Variants in EXOC6B observed in about 807,000 individuals in gnomAD.
The protein encoded by EXOC6B is SEC15 homolog B.
In EXOC6B, 54 loss-of-function variants were observed where a neutral mutation model predicts 113.5. That is an observed-to-expected ratio of 0.48 (90% CI 0.38 to 0.60). The LOEUF (loss-of-function observed/expected upper bound fraction) is 0.60, where lower values mean the gene tolerates loss of function less well. Ranked by LOEUF, EXOC6B falls within the 20% of genes least tolerant of loss-of-function variation. The pLI, the probability that EXOC6B is intolerant of heterozygous loss-of-function variation, is 0.00. For synonymous variants in EXOC6B, 357 were observed against 339.0 expected (o/e 1.05, Z -0.58); for missense variants, 797 against 977.5 (o/e 0.82, Z 2.46).
intron 20 of EXOC6B, among the ~76,000 whole-genome samples, chr2:72,249,591 A>G (rs145133947): frequency 1.7e-3 from 262 of 152,320 alleles, no homozygotes; most frequent in African/African-American, 5.8e-3. Context: ...ATGGTAGACA[A>G]AAAAGTATAC....
chr2:72,532,580 C>T (rs191831437), intron 8 of EXOC6B, among the ~76,000 whole-genome samples: 113 of 152,138 alleles, frequency 7.4e-4, no homozygotes, highest in African/African-American at 2.4e-3. Flanking sequence ...GAGGCCGAGG[C>T]GGGCGGATCA....
At chr2:72,718,441 G>C (rs966461813) in intron 5 of EXOC6B, 134 bp from the exon 6 acceptor site, 2 of 524,430 alleles carry the variant, frequency 3.8e-6, no homozygotes, top group African/African-American at 1.9e-5. Flanking sequence ...TCAGTGAAAA[G>C]AATCTCAAAT....
intron 2 of EXOC6B, among the ~76,000 whole-genome samples, chr2:72,740,606 G>A (rs952343992): frequency 6.6e-6 from 1 of 152,066 alleles, no homozygotes; most frequent in Non-Finnish European, 1.5e-5. Context: ...AACAACCAAC[G>A]GTTTTTTTCT....
At chr2:72,579,616 G>C (rs1705073985) in intron 6 of EXOC6B, among the ~76,000 whole-genome samples, 1 of 152,088 alleles carries the variant, frequency 6.6e-6, no homozygotes, top group South Asian at 2.1e-4. Flanking sequence ...TTCTAAAACT[G>C]TCAAAGTGTG....
intron 6 of EXOC6B, among the ~76,000 whole-genome samples, chr2:72,698,435 G>GATTT (rs1678048991): frequency 6.6e-6 from 1 of 152,178 alleles, no homozygotes; most frequent in African/African-American, 2.4e-5. Flanking sequence ...CTTCACCAAA[G>GATTT]TAAAATGCCT....
chr2:72,549,431 G>A (rs1192789483), intron 8 of EXOC6B, among the ~76,000 whole-genome samples: 5 of 152,274 alleles, frequency 3.3e-5, no homozygotes, highest in Non-Finnish European at 7.4e-5. Context: ...ATGAGATGGA[G>A]TAAAACTGTA....
chr2:72,699,469 C>T (rs1190060369), intron 6 of EXOC6B, among the ~76,000 whole-genome samples: 1 of 147,618 alleles, frequency 6.8e-6, no homozygotes, highest in Non-Finnish European at 1.5e-5. Flanking sequence ...CAGAGTGAGA[C>T]TCCGTCTCAA....
At chr2:72,352,502 CTT>C (rs927667196) in intron 19 of EXOC6B, among the ~76,000 whole-genome samples, 1 of 151,840 alleles carries the variant, frequency 6.6e-6, no homozygotes, top group Non-Finnish European at 1.5e-5. Context: ...TCTCTCTCTC[CTT>C]TTCTTTCTTT....
At chr2:72,253,374 T>C (rs562478726) in intron 20 of EXOC6B, among the ~76,000 whole-genome samples, 2 of 152,326 alleles carry the variant, frequency 1.3e-5, no homozygotes, top group South Asian at 4.1e-4. Context: ...AAAATCATTC[T>C]ACCATAAAGA....
At chr2:72,325,969 C>T (rs1228149477) in intron 20 of EXOC6B, among the ~76,000 whole-genome samples, 1 of 152,056 alleles carries the variant, frequency 6.6e-6, no homozygotes, top group Non-Finnish European at 1.5e-5. Context: ...GTGCTTCTTT[C>T]TTGGTAAACT....
At chr2:72,399,453 G>T (rs1692994949) in intron 18 of EXOC6B, among the ~76,000 whole-genome samples, 1 of 152,126 alleles carries the variant, frequency 6.6e-6, no homozygotes, top group Non-Finnish European at 1.5e-5. Context: ...AACAGGCAAA[G>T]AAGAAGTCAA....
At chr2:72,295,007 T>C (rs1253063587) in intron 20 of EXOC6B, among the ~76,000 whole-genome samples, 1 of 152,022 alleles carries the variant, frequency 6.6e-6, no homozygotes, top group Non-Finnish European at 1.5e-5. Context: ...CTGAGGCCAG[T>C]GGATCACGTG....
intron 19 of EXOC6B, among the ~76,000 whole-genome samples, chr2:72,352,206 G>A (rs2104946236): frequency 6.6e-6 from 1 of 152,118 alleles, no homozygotes; most frequent in South Asian, 2.1e-4. Flanking sequence ...AAAAACATGG[G>A]CCTCAATTCA....
intron 6 of EXOC6B, among the ~76,000 whole-genome samples, chr2:72,603,074 T>TTG (rs1491400484): frequency 0.027 from 41 of 1,520 alleles, no homozygotes; most frequent in African/African-American, 0.037. Flanking sequence ...GGACAGATGG[T>TTG]TTTTTTTTTT....
At chr2:72,433,878 A>G (rs1277232589) in intron 18 of EXOC6B, among the ~76,000 whole-genome samples, 6 of 152,160 alleles carry the variant, frequency 3.9e-5, no homozygotes, top group South Asian at 2.1e-4. Context: ...CTCTCTTCCT[A>G]TTTGAATACC....
At chr2:72,776,605 C>G (rs1353850379) in intron 1 of EXOC6B, among the ~76,000 whole-genome samples, 1 of 149,966 alleles carries the variant, frequency 6.7e-6, no homozygotes, top group African/African-American at 2.5e-5. Flanking sequence ...CTGGGTGAGA[C>G]AGCCAGGTCT....
chr2:72,397,782 G>A (rs546322081), intron 18 of EXOC6B, among the ~76,000 whole-genome samples: 2 of 151,916 alleles, frequency 1.3e-5, no homozygotes, highest in Non-Finnish European at 2.9e-5. Flanking sequence ...CACATCATTA[G>A]CATATAAATG....
At position 72,177,898 on chromosome 2, in the gene EXOC6B, T is replaced by A. The variant is rs1677834828; in HGVS notation, c.*1437A>T. 1 of 152,230 alleles carries A rather than the reference T, an allele frequency of 6.6e-6. No homozygotes were observed. Among genetic ancestry groups the A allele is most frequent in the Admixed American group, 6.5e-5 (1 of 15,282 alleles). 9.4% of individuals were successfully genotyped at this position (152,230 alleles called of 1,614,324 possible). The stretch of plus-strand genomic sequence containing the variant: ...TTGCCACTAGCCATCTTTCTGCTAC[T>A]AGCCAGTAGCATCTTTCTGAAGTGT... On this transcript the variant is annotated 3_prime_UTR_variant, in exon 22 of 22. Transcript: ENST00000272427.
chr2:72,436,218 T>C lies in EXOC6B; in HGVS notation c.1980+28942A>G, dbSNP rs987337292. Among the ~76,000 whole-genome samples the C allele has an allele frequency of 2.0e-5, 3 of 152,340 alleles. No individual in the cohort carries two copies. The East Asian group carries it at 5.8e-4, about 29-fold the overall frequency. On this transcript the variant is annotated intron_variant, in intron 18 of 21. Coordinates refer to ENST00000272427, the MANE Select transcript of EXOC6B (RefSeq NM_015189.3). ...AATTCTTTTCTTTAAAAATGTTGAA[T>C]ATTGGCCCCCACTCTCTTCTGGATT...
Sources: gnomAD v4.1 joint callset for allele counts (sites outside exome capture counted in the v4.1 genomes callset) on GRCh38, gnomAD v4.1.1 for gene constraint, MANE v1.5 for transcripts, NCBI Gene and HGNC (gene_info 2026-07-23, HGNC 2026-07-21) for gene names.